Variants in CHODL observed in about 807,000 individuals in gnomAD.
CHODL encodes the protein transmembrane protein MT75.
A neutral mutation model predicts 34.5 loss-of-function variants in CHODL; 29 were observed. The observed-to-expected ratio is 0.84, with a 90% CI of 0.63 to 1.15. The LOEUF (loss-of-function observed/expected upper bound fraction) is 1.15, where lower values mean the gene tolerates loss of function less well. CHODL is among the 50% of genes most tolerant of loss of function. The probability of loss-of-function intolerance (pLI) is 0.00; values close to 1 mark genes in which losing one functional copy is unlikely to be tolerated. For synonymous variants in CHODL, 125 were observed against 116.1 expected, an observed-to-expected ratio of 1.08 and a Z score of -0.49; for missense variants, 332 against 332.5, an observed-to-expected ratio of 1.00 and a Z score of 0.01.
chr21:18,174,957 C>G (rs1418872817), intron 2 of CHODL, among the ~76,000 whole-genome samples: 2 of 152,186 alleles, frequency 1.3e-5, no homozygotes, highest in African/African-American at 2.4e-5. Context: ...CCACTTTCAG[C>G]TATGTTTCTT....
intron 1 of CHODL, among the ~76,000 whole-genome samples, chr21:18,016,875 G>T (rs1397780302): frequency 6.6e-6 from 1 of 152,242 alleles, no homozygotes; most frequent in Non-Finnish European, 1.5e-5. Context: ...GAGGTCAAAG[G>T]AGATTATTTT....
chr21:18,179,824 T>C (rs1277417667), intron 2 of CHODL, among the ~76,000 whole-genome samples: 1 of 152,238 alleles, frequency 6.6e-6, no homozygotes, highest in African/African-American at 2.4e-5. Context: ...CTTAACACTG[T>C]AATTTTTAAT....
chr21:17,986,087 A>G (rs1432731768), intron 1 of CHODL, among the ~76,000 whole-genome samples: 1 of 152,176 alleles, frequency 6.6e-6, no homozygotes, highest in African/African-American at 2.4e-5. Context: ...GAAGGGCACA[A>G]GTATTTAGAT....
chr21:18,021,533 C>G (rs118081892), intron 1 of CHODL, among the ~76,000 whole-genome samples: 1 of 152,138 alleles, frequency 6.6e-6, no homozygotes, highest in Non-Finnish European at 1.5e-5. Context: ...CAAAGGACTT[C>G]AGATTCTGGA....
chr21:18,008,556 G>A (rs1048369861), intron 1 of CHODL, among the ~76,000 whole-genome samples: 5 of 151,908 alleles, frequency 3.3e-5, no homozygotes, highest in East Asian at 1.9e-4. Context: ...CTGCTTCTAT[G>A]AGTTTCACTG....
intron 2 of CHODL, among the ~76,000 whole-genome samples, chr21:18,100,199 A>G (rs2065196216): frequency 6.6e-6 from 1 of 152,166 alleles, no homozygotes; most frequent in Admixed American, 6.6e-5. Flanking sequence ...AAAAATATCT[A>G]ACATGTTGAA....
chr21:18,071,926 T>G (rs2064810465), intron 2 of CHODL, among the ~76,000 whole-genome samples: 2 of 152,240 alleles, frequency 1.3e-5, no homozygotes. Flanking sequence ...TTGTAAAAAT[T>G]TTGTTATGGG....
chr21:18,107,883 CAT>C (rs1466690097), intron 2 of CHODL, among the ~76,000 whole-genome samples: 1 of 152,198 alleles, frequency 6.6e-6, no homozygotes, highest in Admixed American at 6.5e-5. Context: ...CATGACATCT[CAT>C]CAGAAGGTTC....
intron 2 of CHODL, among the ~76,000 whole-genome samples, chr21:18,051,680 GT>G (rs1230306393): frequency 2.0e-5 from 3 of 151,888 alleles, no homozygotes; most frequent in African/African-American, 7.2e-5. Flanking sequence ...TTTAAGAAAT[GT>G]TTGGTTCCTC....
chr21:18,138,833 G>A (rs887236011), intron 2 of CHODL, among the ~76,000 whole-genome samples: 1 of 152,080 alleles, frequency 6.6e-6, no homozygotes, highest in Non-Finnish European at 1.5e-5. Flanking sequence ...ATTAGGTGCA[G>A]TTCATCTCTG....
At chr21:18,219,778 A>AT (rs779366554) in intron 2 of CHODL, among the ~76,000 whole-genome samples, 6,951 of 144,064 alleles carry the variant, frequency 0.048, 185 homozygotes, top group Non-Finnish European at 0.063. Flanking sequence ...GGTTAGTTGT[A>AT]TTTTTTTTTT....
At chr21:18,226,153 T>G (rs1239641983) in intron 2 of CHODL, among the ~76,000 whole-genome samples, 2 of 152,128 alleles carry the variant, frequency 1.3e-5, no homozygotes, top group Admixed American at 6.6e-5. Flanking sequence ...GCTACCAACT[T>G]TGAGAAAAAA....
Position 18,143,099 on chromosome 21 carries a change from A to G in CHODL, c.-44-113410A>G, listed in dbSNP as rs116450049. Among the ~76,000 whole-genome samples, 1,421 of 152,252 alleles carry G rather than the reference A, an allele frequency of 9.3e-3. 26 individuals carry two copies. Among genetic ancestry groups the G allele is most frequent in the African/African-American group, 0.033 (1,351 of 41,562 alleles). On this transcript the variant is annotated intron_variant, in intron 2 of 6. Transcript: ENST00000400127. Reference sequence around the variant, plus strand: ...TTTGTTTTCTCTTTCAGTGACTGGAACTATTGTTTTCCAGTAAATCCTAGA... The same window carrying G: ...TTTGTTTTCTCTTTCAGTGACTGGAGCTATTGTTTTCCAGTAAATCCTAGA...
intron 2 of CHODL, among the ~76,000 whole-genome samples, chr21:18,172,104 T>A (rs1249366920): frequency 6.6e-6 from 1 of 152,206 alleles, no homozygotes; most frequent in African/African-American, 2.4e-5. Flanking sequence ...TAAGAATATG[T>A]CAGAGTTTTT....
chr21:18,028,370 A>G (rs1395431379), intron 2 of CHODL, among the ~76,000 whole-genome samples: 2 of 138,496 alleles, frequency 1.4e-5, no homozygotes, highest in East Asian at 2.1e-4. Flanking sequence ...CTTATTATCT[A>G]TTTTTACAGG....
chr21:18,106,099 T>G (rs11909985), intron 2 of CHODL, among the ~76,000 whole-genome samples: 6,655 of 152,258 alleles, frequency 0.044, 475 homozygotes, highest in African/African-American at 0.15. Flanking sequence ...TTTGGCATTC[T>G]GCAATTAACA....
intron 2 of CHODL, among the ~76,000 whole-genome samples, chr21:18,136,808 C>G (rs71319672): frequency 0.051 from 7,035 of 139,254 alleles, 265 homozygotes; most frequent in Non-Finnish European, 0.08. Flanking sequence ...CATCATATAT[C>G]CATATATATA....
chr21:17,985,110 A>G (rs569394080), intron 1 of CHODL, among the ~76,000 whole-genome samples: 1 of 152,174 alleles, frequency 6.6e-6, no homozygotes, highest in Non-Finnish European at 1.5e-5. Context: ...TTGGGATTGC[A>G]TTAAGTTTAT....
At chr21:18,092,049 T>C (rs886132610) in intron 2 of CHODL, among the ~76,000 whole-genome samples, 21 of 152,214 alleles carry the variant, frequency 1.4e-4, no homozygotes, top group Admixed American at 6.5e-4. Context: ...GAGAAGGGCC[T>C]TGGGCAAGGT....
Sources: gnomAD v4.1 joint callset for allele counts (sites outside exome capture counted in the v4.1 genomes callset) on GRCh38, gnomAD v4.1.1 for gene constraint, MANE v1.5 for transcripts, NCBI Gene and HGNC (gene_info 2026-07-23, HGNC 2026-07-21) for gene names.